Variants in FASTKD3 observed in about 807,000 individuals in gnomAD.
The protein encoded by FASTKD3 is FAST kinase domains 3, also known as FAST kinase domain-containing protein 3, mitochondrial.
Under a neutral mutation model 49.7 loss-of-function variants are expected in FASTKD3, and 47 were observed. The observed-to-expected ratio is 0.95, with a 90% CI of 0.75 to 1.21. The LOEUF is 1.21. Ranked by LOEUF, FASTKD3 falls within the 50% of genes most tolerant of loss-of-function variation. The pLI is 0.00. For synonymous variants in FASTKD3, 284 were observed against 288.6 expected, an observed-to-expected ratio of 0.98 and a Z score of 0.16; for missense variants, 748 against 765.7, an observed-to-expected ratio of 0.98 and a Z score of 0.27.
intron 1 of FASTKD3, among the ~76,000 whole-genome samples, 151 bp downstream of exon 1, chr5:7,868,828 A>C (rs1293879161): frequency 6.6e-6 from 1 of 152,112 alleles, no homozygotes; most frequent in Non-Finnish European, 1.5e-5. Flanking sequence ...CCTAGGAATG[A>C]AAGGGACCCG....
intron 3 of FASTKD3, among the ~76,000 whole-genome samples, chr5:7,863,803 C>T (rs938766542): frequency 6.6e-6 from 1 of 152,104 alleles, no homozygotes; most frequent in Non-Finnish European, 1.5e-5. Context: ...AGAATGATTG[C>T]GTGCTTGAAA....
intron 3 of FASTKD3, among the ~76,000 whole-genome samples, chr5:7,863,741 A>C (rs2126601578): frequency 6.6e-6 from 1 of 152,372 alleles, no homozygotes; most frequent in Non-Finnish European, 1.5e-5. Flanking sequence ...TCTGTCATCC[A>C]TGACAGATGC....
chr5:7,859,459 G>A lies in FASTKD3; in HGVS notation c.1965C>T (p.Asn655=). The change falls in exon 7 of 7, where the codon AAC becomes AAT. Residue 655 remains asparagine (N), a synonymous_variant. Transcript: ENST00000264669. ...TTCATTCTTGCAACCAATGAACAGT[G>A]TTTTGAGAAAACAGTTTTCTTTGTA... is the stretch of plus-strand genomic sequence containing the variant. ...EYLQRKLFSQ[N]TVHWLQE The A allele has an allele frequency of 1.2e-6, 2 of 1,606,630 alleles. No individual in the cohort carries two copies. The highest frequency in any genetic ancestry group is 1.7e-6 in the Non-Finnish European group (2 of 1,175,724).
At chr5:7,868,218 A>G in intron 1 of FASTKD3, 22 bp from the exon 2 acceptor site, 1 of 629,970 alleles carries the variant, frequency 1.6e-6, no homozygotes, top group Non-Finnish European at 2.6e-6. Context: ...AAAAAAAAAA[A>G]AAAAAGGATG....
At chr5:7,859,626 C>T (rs867653099) in intron 6 of FASTKD3, 87 bp from the exon 7 acceptor site, 33 of 780,760 alleles carry the variant, frequency 4.2e-5, no homozygotes, top group Middle Eastern at 2.3e-4. Flanking sequence ...GTTTCTTACA[C>T]GCTTCCCCAC....
chr5:7,866,313 CAAAA>C (rs35385669), intron 2 of FASTKD3, among the ~76,000 whole-genome samples: 2 of 140,416 alleles, frequency 1.4e-5, no homozygotes, highest in Admixed American at 7.0e-5. Context: ...ACCATCCTCT[CAAAA>C]AAAAAAAAAA....
chr5:7,861,439 G>A (rs2126592806), intron 5 of FASTKD3, 144 bp downstream of exon 5: 1 of 633,712 alleles, frequency 1.6e-6, no homozygotes, highest in East Asian at 3.1e-5. Flanking sequence ...ATATTACAAG[G>A]AATTTCCCAA....
chr5:7,866,714 A>G lies in FASTKD3; in HGVS notation c.1370T>C (p.Leu457Pro), dbSNP rs1427613703. ...SLLKLLHSCS[L>P]NECHPVNFLA... ...AAAGTTGACTGGATGGCATTCATTA[A>G]GTGAACATGAATGAAGAAGTTTCAA... is the stretch of plus-strand genomic sequence containing the variant. The change falls in exon 2 of 7, where the codon CTT becomes CCT. Residue 457 changes from leucine to proline, a missense_variant. Leu to Pro is a moderately conservative substitution (Grantham distance 98, BLOSUM62 -3). Coordinates refer to ENST00000264669, the MANE Select transcript of FASTKD3 (RefSeq NM_024091.4). 1 of 1,612,810 alleles carries G rather than the reference A, an allele frequency of 6.2e-7. No homozygotes were observed. Among genetic ancestry groups the G allele is most frequent in the East Asian group, 2.2e-5 (1 of 44,884 alleles).
At chr5:7,865,850 A>G (rs758462916) in intron 3 of FASTKD3, 48 bp downstream of exon 3, 2 of 1,412,642 alleles carry the variant, frequency 1.4e-6, no homozygotes, top group East Asian at 4.6e-5. Context: ...ACTTAAAAGG[A>G]AACTGCACCC....
At position 7,861,282 on chromosome 5, in the gene FASTKD3, GA is replaced by G. The variant is rs1407369708; in HGVS notation, c.1770-20del. The G allele has an allele frequency of 3.0e-6, 4 of 1,337,456 alleles. No homozygotes were observed. The highest frequency in any genetic ancestry group is 4.1e-6 in the Non-Finnish European group (4 of 977,114). 82.8% of individuals were successfully genotyped at this position (1,337,456 alleles called of 1,614,324 possible). On this transcript the variant is annotated intron_variant, in intron 5 of 6. Coordinates refer to ENST00000264669, the MANE Select transcript of FASTKD3 (RefSeq NM_024091.4). ...TGCTATCCTGAAAAATAAAAAAGGAGAAAAATACTTAATTTTTTAAATAATC... is the reference window on the plus strand; with the variant it reads ...TGCTATCCTGAAAAATAAAAAAGGAGAAAATACTTAATTTTTTAAATAATC...
rs1746660144 is a variant in FASTKD3, at chr5:7,862,902, C to G, written c.1620G>C (p.Val540=). 3 of 1,613,946 alleles carry G rather than the reference C, an allele frequency of 1.9e-6. No homozygotes were observed. Among genetic ancestry groups the G allele is most frequent in the African/African-American group, 2.7e-5 (2 of 74,902 alleles). ...CTAAAAGGTTAGTCAGCCCAATCTTCACATATCTATAAAGCTGAGAATCCA... is the reference window on the plus strand; with the variant it reads ...CTAAAAGGTTAGTCAGCCCAATCTTGACATATCTATAAAGCTGAGAATCCA... ...TPVDSQLYRY[V]KIGLTNLLGA... Residue 540 remains valine (V), a synonymous_variant, in exon 4 of 7, where the codon GTG becomes GTC. Transcript: ENST00000264669.
chr5:7,867,589 C>T lies in FASTKD3; in HGVS notation c.495G>A (p.Gln165=), dbSNP rs1348515485. ...ENSIFQALCF[Q]FEKEPSQLSN... Reference sequence around the variant, plus strand: ...ACAGCTGTGAGGGCTCCTTTTCAAACTGAAAGCATAAAGCTTGAAAGATGC... The same window carrying T: ...ACAGCTGTGAGGGCTCCTTTTCAAATTGAAAGCATAAAGCTTGAAAGATGC... The change falls in exon 2 of 7, where the codon CAG becomes CAA. Residue 165 remains glutamine, a synonymous_variant. Transcript: ENST00000264669. 2 of 1,614,240 alleles carry T rather than the reference C, an allele frequency of 1.2e-6. No individual in the cohort carries two copies. The highest frequency in any genetic ancestry group is 1.7e-5 in the Admixed American group (1 of 60,024).
In FASTKD3 at chr5:7,859,451, T is replaced by A; in HGVS notation, c.1973A>T (p.His658Leu). ...QRKLFSQNTVHWLQE is the reference protein window; with the variant it reads ...QRKLFSQNTVLWLQE ...AGTCAGTATTCATTCTTGCAACCAA[T>A]GAACAGTGTTTTGAGAAAACAGTTT... Residue 658 changes from histidine (H) to leucine (L), a missense_variant, in exon 7 of 7, where the codon CAT becomes CTT. By Grantham distance (99) the His-to-Leu change is moderately conservative (BLOSUM62 -3). Transcript: ENST00000264669. The A allele has an allele frequency of 2.5e-6, 4 of 1,601,782 alleles. No individual in the cohort carries two copies. In the East Asian group the frequency reaches 9.0e-5, roughly 36 times the overall value.
intron 4 of FASTKD3, 45 bp from the exon 5 acceptor site, chr5:7,861,697 A>C: frequency 6.3e-7 from 1 of 1,585,534 alleles, no homozygotes; most frequent in Non-Finnish European, 8.6e-7. Context: ...ATACCCTCAC[A>C]AACACTATCT....
Position 7,867,116 on chromosome 5 carries a change from A to G in FASTKD3, c.968T>C (p.Val323Ala). ...GTTAGTGAAATGTGGGACATGCCTC[A>G]CGACATATTTGCCCAATTTTATAAT... ...PLIIKLGKYV[V>A]RHVPHFTNEE... Residue 323 changes from valine (V) to alanine (A), a missense_variant, in exon 2 of 7, where the codon GTG (valine) becomes GCG (alanine). Physicochemically the swap from Val to Ala is moderately conservative, Grantham distance 64. Around this residue, in one of 3 missense-constraint regions of FASTKD3, gnomAD observed 564 missense variants for 562.8 expected, o/e 1.00. Coordinates refer to ENST00000264669, the MANE Select transcript of FASTKD3 (RefSeq NM_024091.4). The G allele has an allele frequency of 1.2e-6, 2 of 1,614,204 alleles. No individual in the cohort carries two copies. Among genetic ancestry groups the G allele is most frequent in the Non-Finnish European group, 1.7e-6 (2 of 1,180,036 alleles).
At chr5:7,865,414 G>A (rs162029) in intron 3 of FASTKD3, among the ~76,000 whole-genome samples, 47,536 of 151,984 alleles carry the variant, frequency 0.31, 9,920 homozygotes, top group African/African-American at 0.57. Flanking sequence ...AATGTGATAG[G>A]TAATAGGATA....
intron 6 of FASTKD3, among the ~76,000 whole-genome samples, chr5:7,860,699 T>A (rs147041370): frequency 0.015 from 2,270 of 152,214 alleles, 29 homozygotes; most frequent in Non-Finnish European, 0.024. Flanking sequence ...GCCTGAAAAA[T>A]CCCTGAGCAG....
At chr5:7,861,771 A>G in intron 4 of FASTKD3, 119 bp from the exon 5 acceptor site, 1 of 1,460,012 alleles carries the variant, frequency 6.8e-7, no homozygotes, top group Non-Finnish European at 9.1e-7. Flanking sequence ...ATTGGACTGA[A>G]GGCTGCAAAG....
At position 7,867,822 on chromosome 5, in the gene FASTKD3, C is replaced by A; in HGVS notation, c.262G>T (p.Asp88Tyr). The change falls in exon 2 of 7, where the codon GAC becomes TAC. Residue 88 changes from aspartate to tyrosine, a missense_variant. Physicochemically the swap from Asp to Tyr is radical, Grantham distance 160. This residue lies in a region of FASTKD3 where 564 missense variants were observed against 562.8 expected (regional missense o/e 1.00). Transcript: ENST00000264669. ...TTTTTAACATTTTGTTCAAGCCTGT[C>A]GCAGTCAGATACTTGAGAGAACACT... ...GPVFSQVSDC[D>Y]RLEQNVKNEE... The A allele has an allele frequency of 1.2e-6, 2 of 1,614,146 alleles. No individual in the cohort carries two copies. The highest frequency in any genetic ancestry group is 1.1e-5 in the South Asian group (1 of 91,082).
Sources: allele counts gnomAD v4.1 joint callset (sites outside exome capture counted in the v4.1 genomes callset), GRCh38; gene constraint gnomAD v4.1.1; regional missense constraint gnomAD v4.1.1; transcripts MANE v1.5; gene names NCBI Gene and HGNC (gene_info 2026-07-23, HGNC 2026-07-21).